TEX2: variants seen among roughly 807,000 people sequenced by gnomAD.
The protein encoded by TEX2 is testis-expressed protein 2.
Under a neutral mutation model 106.9 loss-of-function variants are expected in TEX2, and 53 were observed. The observed-to-expected ratio is 0.50, with a 90% CI of 0.40 to 0.62. The LOEUF (loss-of-function observed/expected upper bound fraction) is 0.62, where lower values mean the gene tolerates loss of function less well. Ranked by LOEUF, TEX2 falls within the 20% of genes least tolerant of loss-of-function variation. TEX2 has a pLI of 0.00. For synonymous variants in TEX2, 523 were observed against 534.8 expected, an observed-to-expected ratio of 0.98 and a Z score of 0.30; for missense variants, 1,207 against 1,379.0, an observed-to-expected ratio of 0.88 and a Z score of 1.98.
intron 2 of TEX2, among the ~76,000 whole-genome samples, chr17:64,208,117 A>G (rs2032892023): frequency 6.6e-6 from 1 of 152,220 alleles, no homozygotes; most frequent in African/African-American, 2.4e-5. Context: ...GACTTGGGTC[A>G]CCAGTCGATT....
At chr17:64,167,655 C>A (rs1018618243) in intron 7 of TEX2, among the ~76,000 whole-genome samples, 15 of 152,006 alleles carry the variant, frequency 9.9e-5, no homozygotes, top group Non-Finnish European at 1.8e-4. Context: ...CCCCTCTCTA[C>A]TAAAAATATA....
chr17:64,154,327 G>T (rs2030506641), intron 9 of TEX2, among the ~76,000 whole-genome samples: 3 of 149,706 alleles, frequency 2.0e-5, no homozygotes, highest in Non-Finnish European at 4.4e-5. Flanking sequence ...TAAGCACTTT[G>T]ATCATTTCAC....
chr17:64,151,129 C>G (rs1436157243), intron 10 of TEX2, among the ~76,000 whole-genome samples, 168 bp from the exon 11 acceptor site: 1 of 152,124 alleles, frequency 6.6e-6, no homozygotes, highest in East Asian at 1.9e-4. Context: ...GAATTGTGAA[C>G]CCCCTGTGTT....
chr17:64,163,292 C>CAT lies in TEX2; in HGVS notation c.2672-2361_2672-2360dup, dbSNP rs200088218. On this transcript the variant is annotated intron_variant, in intron 7 of 11. Transcript: ENST00000584379. ...GGGGTCCGCCACCATGCCCGGCTAA[C>CAT]ATATATATATATTTTATTTTTGGTA... Among the ~76,000 whole-genome samples the CAT allele has an allele frequency of 4.1e-3, 628 of 151,844 alleles. 6 individuals are homozygous for CAT. Among genetic ancestry groups the CAT allele is most frequent in the African/African-American group, 0.014 (577 of 41,360 alleles).
intron 1 of TEX2, among the ~76,000 whole-genome samples, chr17:64,231,702 T>A (rs1189974254): frequency 6.6e-6 from 1 of 152,210 alleles, no homozygotes; most frequent in Non-Finnish European, 1.5e-5. Flanking sequence ...GAAAACCTGG[T>A]TAAGAACTCA....
At chr17:64,180,593 C>T (rs560879359) in intron 5 of TEX2, among the ~76,000 whole-genome samples, 105 of 152,312 alleles carry the variant, frequency 6.9e-4, no homozygotes, top group Non-Finnish European at 1.3e-3. Context: ...TTTAAAGAAA[C>T]AATGTGCATA....
At chr17:64,237,656 GGAA>G (rs782023104) in intron 1 of TEX2, among the ~76,000 whole-genome samples, 48 of 152,144 alleles carry the variant, frequency 3.2e-4, no homozygotes, top group Non-Finnish European at 5.9e-5. Flanking sequence ...ATGGGAGTAA[GGAA>G]GAAGGTGTTC....
In TEX2 at chr17:64,153,386, T is replaced by G. The variant is rs2030461615; in HGVS notation, c.2931-232A>C. Reference sequence around the variant, plus strand: ...CCCTAGTTATGACAATAAAAAATGTTGCCAGACATCGGCAAATGTCCTCTG... The same window carrying G: ...CCCTAGTTATGACAATAAAAAATGTGGCCAGACATCGGCAAATGTCCTCTG... On this transcript the variant is annotated intron_variant, in intron 9 of 11. Transcript: ENST00000584379. The surrounding 1 kb of genome is among the most constrained non-coding windows in gnomAD (Gnocchi z 4.1). 7.2e-6 allele frequency among the ~76,000 whole-genome samples: 1 copy of G among 138,938 alleles called. No individual in the cohort carries two copies. Among genetic ancestry groups the G allele is most frequent in the East Asian group, 2.1e-4 (1 of 4,830 alleles). 91.1% of individuals were successfully genotyped at this position (138,938 alleles called of 152,430 possible).
chr17:64,242,112 A>G (rs1347928402), intron 1 of TEX2: 4 of 152,240 alleles, frequency 2.6e-5, no homozygotes, highest in Non-Finnish European at 5.9e-5. Flanking sequence ...CATAATACCT[A>G]AGTAACCTAT....
At chr17:64,193,005 C>T (rs2032349302) in intron 4 of TEX2, among the ~76,000 whole-genome samples, 1 of 152,212 alleles carries the variant, frequency 6.6e-6, no homozygotes, top group African/African-American at 2.4e-5. Flanking sequence ...ATAACAGGCA[C>T]AACACCTGAA....
intron 4 of TEX2, 79 bp from the exon 5 acceptor site, chr17:64,188,494 C>G: frequency 1.9e-6 from 3 of 1,589,462 alleles, no homozygotes; most frequent in Non-Finnish European, 2.6e-6. Context: ...AGAAAAGCAG[C>G]TACAATGCTA....
At chr17:64,175,411 T>G (rs1242385764) in intron 6 of TEX2, among the ~76,000 whole-genome samples, 1 of 152,116 alleles carries the variant, frequency 6.6e-6, no homozygotes, top group African/African-American at 2.4e-5. Flanking sequence ...AAAAGGAAGT[T>G]TAAGTCTGTG....
chr17:64,189,224 T>C (rs960612253), intron 4 of TEX2, among the ~76,000 whole-genome samples: 1 of 152,198 alleles, frequency 6.6e-6, no homozygotes, highest in African/African-American at 2.4e-5. Context: ...AATCACAATC[T>C]TCTGTAACAA....
intron 1 of TEX2, among the ~76,000 whole-genome samples, chr17:64,243,209 G>T (rs922144414): frequency 6.6e-6 from 1 of 151,538 alleles, no homozygotes; most frequent in African/African-American, 2.4e-5. Flanking sequence ...TTACAGGCGT[G>T]AGCCACCACA....
intron 1 of TEX2, among the ~76,000 whole-genome samples, chr17:64,259,436 GTCT>G (rs1323575580): frequency 6.6e-6 from 1 of 152,186 alleles, no homozygotes; most frequent in Non-Finnish European, 1.5e-5. Flanking sequence ...TGGGCTTCCA[GTCT>G]TCTTATTACA....
At chr17:64,179,510 T>C (rs566275207) in intron 5 of TEX2, among the ~76,000 whole-genome samples, 2 of 152,300 alleles carry the variant, frequency 1.3e-5, no homozygotes, top group South Asian at 4.1e-4. Context: ...TACTCACTCT[T>C]TGGGTCCGTG....
Position 64,213,294 on chromosome 17 carries a change from A to C in TEX2, c.924T>G (p.Ile308Met), listed in dbSNP as rs782453568. 6.2e-7 allele frequency: 1 copy of C among 1,614,020 alleles called. No individual in the cohort carries two copies. The highest frequency in any genetic ancestry group is 8.5e-7 in the Non-Finnish European group (1 of 1,180,022). Reference protein sequence around the residue: ...IYEPFQLLSKIIGEESGSHRP... With the variant: ...IYEPFQLLSKMIGEESGSHRP... ...TATGGCTGCCACTTTCTTCCCCTATAATTTTACTAAGGAGCTGAAAAGGCT... is the reference window on the plus strand; with the variant it reads ...TATGGCTGCCACTTTCTTCCCCTATCATTTTACTAAGGAGCTGAAAAGGCT... Residue 308 changes from isoleucine (I) to methionine (M), a missense_variant, in exon 2 of 12, where the codon ATT becomes ATG. This residue lies in a region of TEX2 where 1,067 missense variants were observed against 1,193.6 expected (regional missense o/e 0.89). Coordinates refer to ENST00000584379, the MANE Select transcript of TEX2 (RefSeq NM_001288732.2). The surrounding 1 kb of genome is among the most constrained non-coding windows in gnomAD (Gnocchi z 4.4).
rs376130699 is a variant in TEX2, at chr17:64,198,805, C to T, written c.1645-3710G>A. ...GTACATAGAATTACAGATACATGTA[C>T]AAAAGCCAGTAGAATTAACATGATA... On this transcript the variant is annotated intron_variant, in intron 2 of 11. Transcript: ENST00000584379. 1.1e-4 allele frequency among the ~76,000 whole-genome samples: 17 copies of T among 151,770 alleles called. No individual in the cohort carries two copies. In the East Asian group the frequency reaches 2.7e-3, roughly 24 times the overall value.
intron 1 of TEX2, among the ~76,000 whole-genome samples, chr17:64,246,771 C>T (rs2033995943): frequency 6.6e-6 from 1 of 152,200 alleles, no homozygotes; most frequent in South Asian, 2.1e-4. Flanking sequence ...GAAGGCTGGA[C>T]TTCTGGGCTA....
Sources: gnomAD v4.1 joint callset for allele counts (sites outside exome capture counted in the v4.1 genomes callset) on GRCh38, gnomAD v4.1.1 for gene constraint, gnomAD v4.1.1 regional missense constraint, Gnocchi (gnomAD v3.1) non-coding constraint, MANE v1.5 for transcripts, NCBI Gene and HGNC (gene_info 2026-07-23, HGNC 2026-07-21) for gene names.